Variants in EYA3 observed in about 807,000 individuals in gnomAD.
The protein encoded by EYA3 is EYA transcriptional coactivator and phosphatase 3.
A neutral mutation model predicts 80.0 loss-of-function variants in EYA3; 39 were observed. The observed-to-expected ratio is 0.49, with a 90% CI of 0.38 to 0.64. EYA3 has a LOEUF of 0.64. EYA3 is among the 30% of genes least tolerant of loss of function. EYA3 has a pLI of 0.00. For synonymous variants in EYA3, 206 were observed against 232.8 expected (o/e 0.88, Z 1.05); for missense variants, 523 against 676.1 (o/e 0.77, Z 2.51).
intron 13 of EYA3, among the ~76,000 whole-genome samples, chr1:27,995,995 C>G (rs1640426527): frequency 6.6e-6 from 1 of 152,102 alleles, no homozygotes; most frequent in Non-Finnish European, 1.5e-5. Context: ...GCCTCAGCCT[C>G]CCAAGTAGCT....
At chr1:27,991,859 G>T (rs1180079249) in intron 14 of EYA3, among the ~76,000 whole-genome samples, 2 of 152,182 alleles carry the variant, frequency 1.3e-5, no homozygotes, top group East Asian at 3.9e-4. Flanking sequence ...CCAGGTCCAG[G>T]CATTGGGCAG....
At chr1:28,035,775 G>A in intron 5 of EYA3, 95 bp from the exon 6 acceptor site, 1 of 1,153,232 alleles carries the variant, frequency 8.7e-7, no homozygotes, top group Non-Finnish European at 1.3e-6. Context: ...CAAAGAATCT[G>A]CAACAAGGAG....
rs1463582273 is a variant in EYA3, at chr1:28,042,628, T to G, written c.100A>C (p.Ser34Arg). The part of the protein sequence containing the change: ...TISQVSNPDV[S>R]DQKPETSSLA... ...CTTGATGTTTCAGGCTTCTGATCACTGACATCTGGATTGCTTACTTGACTG... is the reference window on the plus strand; with the variant it reads ...CTTGATGTTTCAGGCTTCTGATCACGGACATCTGGATTGCTTACTTGACTG... The change falls in exon 4 of 18, where the codon AGT (serine) becomes CGT (arginine). Residue 34 changes from serine (S) to arginine (R), a missense_variant. Transcript: ENST00000373871. The G allele has an allele frequency of 6.2e-7, 1 of 1,614,072 alleles. No individual in the cohort carries two copies. The highest frequency in any genetic ancestry group is 2.2e-5 in the East Asian group (1 of 44,902).
chr1:28,073,116 TATATATATA>T (rs1416406219), intron 1 of EYA3, among the ~76,000 whole-genome samples: 2 of 50,336 alleles, frequency 4.0e-5, no homozygotes, highest in Non-Finnish European at 7.6e-5. Context: ...TATATATATA[TATATATATA>T]TATTTTTTTT....
chr1:27,988,706 G>C, intron 15 of EYA3, 50 bp from the exon 16 acceptor site: 2 of 1,599,180 alleles, frequency 1.3e-6, no homozygotes, highest in South Asian at 2.3e-5. Context: ...ACCAACCTGG[G>C]AGCAAGAATT....
intron 1 of EYA3, among the ~76,000 whole-genome samples, chr1:28,061,076 A>C (rs1644604949): frequency 6.6e-6 from 1 of 152,180 alleles, no homozygotes; most frequent in Non-Finnish European, 1.5e-5. Context: ...CTGGTCAATG[A>C]CCACGAATAA....
At chr1:28,041,386 A>C (rs920055490) in intron 4 of EYA3, among the ~76,000 whole-genome samples, 1 of 150,934 alleles carries the variant, frequency 6.6e-6, no homozygotes, top group Non-Finnish European at 1.5e-5. Context: ...AACAAACAAC[A>C]ACAAAAAAAT....
At chr1:27,992,549 C>G (rs1640150593) in intron 14 of EYA3, among the ~76,000 whole-genome samples, 1 of 152,184 alleles carries the variant, frequency 6.6e-6, no homozygotes, top group Non-Finnish European at 1.5e-5. Context: ...GAATTGGGGA[C>G]CCCTGCTCTA....
Position 28,027,744 on chromosome 1 carries a change from CAAT to C in EYA3, c.499+42_499+44del, listed in dbSNP as rs550252834. Reference sequence around the variant, plus strand: ...ATACAGGTAGATTAAAAACAAGAAACAATAATAATAATTTTAAAACACACACAC... The same window carrying C: ...ATACAGGTAGATTAAAAACAAGAAACAATAATAATTTTAAAACACACACAC... On this transcript the variant is annotated intron_variant, in intron 7 of 17. Transcript: ENST00000373871. 4.9e-4 allele frequency: 788 copies of C among 1,609,226 alleles called. 3 individuals are homozygous for C. In the African/African-American group the frequency reaches 7.2e-3, roughly 15 times the overall value.
intron 2 of EYA3, among the ~76,000 whole-genome samples, chr1:28,051,210 A>C (rs972593066): frequency 6.6e-5 from 10 of 152,204 alleles, no homozygotes; most frequent in African/African-American, 1.9e-4. Flanking sequence ...TGCATGACAT[A>C]ATTTTGTATA....
chr1:27,978,505 T>C (rs1255851290), intron 16 of EYA3, 31 bp from the exon 17 acceptor site: 2 of 1,567,844 alleles, frequency 1.3e-6, no homozygotes, highest in African/African-American at 2.7e-5. Context: ...CCTGTTAGAA[T>C]ACTCTTCTCT....
At chr1:27,997,463 A>G (rs1640541109) in intron 12 of EYA3, 85 bp from the exon 13 acceptor site, 1 of 1,172,558 alleles carries the variant, frequency 8.5e-7, no homozygotes, top group Admixed American at 1.7e-5. Flanking sequence ...GACCATATAC[A>G]GTGGCAGGAT....
intron 4 of EYA3, 79 bp from the exon 5 acceptor site, chr1:28,038,984 TA>T (rs1643626166): frequency 1.2e-6 from 1 of 841,264 alleles, no homozygotes; most frequent in African/African-American, 1.7e-5. Context: ...CATCTCACTG[TA>T]TAGTCTTTCA....
chr1:28,084,556 AATATATATATATATATATATAT>A lies in EYA3; in HGVS notation c.-69+3946_-69+3967del, dbSNP rs1553159800. 2.7e-3 allele frequency among the ~76,000 whole-genome samples: 89 copies of A among 32,724 alleles called. 4 individuals are homozygous for A. The highest frequency in any genetic ancestry group is 0.012 in the East Asian group (14 of 1,148). 21.5% of individuals were successfully genotyped at this position (32,724 alleles called of 152,430 possible). A position where few individuals can be genotyped will look rare whatever the true frequency, so the allele number is the denominator to read the frequency against. ...ATCTGGGAAGCATTGACTATTCCAA[AATATATATATATATATATATAT>A]ATATATATATATATATATTTTTTTT... On this transcript the variant is annotated intron_variant, in intron 1 of 17. Transcript: ENST00000373871.
intron 1 of EYA3, among the ~76,000 whole-genome samples, chr1:28,065,408 G>A (rs927564653): frequency 6.6e-6 from 1 of 151,984 alleles, no homozygotes; most frequent in African/African-American, 2.4e-5. Context: ...GAGTAGCTGG[G>A]ACTACAGATG....
intron 2 of EYA3, among the ~76,000 whole-genome samples, chr1:28,051,609 C>T (rs1287433626): frequency 2.0e-5 from 3 of 152,086 alleles, no homozygotes; most frequent in African/African-American, 4.8e-5. Flanking sequence ...ATCGTCTGAA[C>T]CTGGGAGGTG....
At chr1:28,035,495 C>T (rs778234219) in intron 6 of EYA3, 49 bp downstream of exon 6, 7 of 1,591,932 alleles carry the variant, frequency 4.4e-6, no homozygotes, top group Middle Eastern at 1.7e-4. Flanking sequence ...AAAGTTTCTG[C>T]GGAATAAAAT....
intron 1 of EYA3, among the ~76,000 whole-genome samples, chr1:28,077,292 G>A (rs962066309): frequency 6.6e-6 from 1 of 151,338 alleles, no homozygotes; most frequent in African/African-American, 2.4e-5. Context: ...TTTCAGTAGA[G>A]ACGGGGTTTC....
intron 7 of EYA3, among the ~76,000 whole-genome samples, chr1:28,020,657 T>C (rs2148812793): frequency 6.9e-6 from 1 of 145,856 alleles, no homozygotes; most frequent in East Asian, 2.0e-4. Context: ...TTTAAAAAAA[T>C]ACAGATCATC....
Sources: gnomAD v4.1 joint callset for allele counts (sites outside exome capture counted in the v4.1 genomes callset) on GRCh38, gnomAD v4.1.1 for gene constraint, MANE v1.5 for transcripts, NCBI Gene and HGNC (gene_info 2026-07-23, HGNC 2026-07-21) for gene names.